PALS2: variants seen among roughly 807,000 people sequenced by gnomAD.
PALS2 encodes the protein protein PALS2.
A neutral mutation model predicts 61.6 loss-of-function variants in PALS2; 27 were observed. The observed-to-expected ratio is 0.44, with a 90% CI of 0.32 to 0.60. The LOEUF is 0.60. Ranked by LOEUF, PALS2 falls within the 20% of genes least tolerant of loss-of-function variation. The probability of loss-of-function intolerance (pLI) is 0.05; values close to 1 mark genes in which losing one functional copy is unlikely to be tolerated. For synonymous variants in PALS2, 236 were observed against 218.6 expected, an observed-to-expected ratio of 1.08 and a Z score of -0.70; for missense variants, 554 against 639.4, an observed-to-expected ratio of 0.87 and a Z score of 1.44.
At chr7:24,685,407 G>A (rs1368768782) in intron 11 of PALS2, among the ~76,000 whole-genome samples, 1 of 151,992 alleles carries the variant, frequency 6.6e-6, no homozygotes, top group Non-Finnish European at 1.5e-5. Context: ...TCTCCACTTT[G>A]TTTCCTCCCA....
intron 1 of PALS2, among the ~76,000 whole-genome samples, chr7:24,583,049 C>T (rs997828275): frequency 3.3e-5 from 5 of 151,612 alleles, no homozygotes; most frequent in African/African-American, 1.2e-4. Context: ...TGTGTGCCAC[C>T]ACGCCCAGCT....
chr7:24,587,451 C>G (rs1783113564), intron 1 of PALS2, among the ~76,000 whole-genome samples: 2 of 151,902 alleles, frequency 1.3e-5, no homozygotes, highest in Non-Finnish European at 2.9e-5. Context: ...GATTGTAGCT[C>G]ACTGCAACCT....
chr7:24,676,006 C>G (rs1452690329), intron 9 of PALS2, among the ~76,000 whole-genome samples: 2 of 149,686 alleles, frequency 1.3e-5, no homozygotes, highest in Non-Finnish European at 3.0e-5. Context: ...ACAGTCCCAC[C>G]AACAGTGTAA....
intron 5 of PALS2, among the ~76,000 whole-genome samples, chr7:24,662,567 G>A (rs983626667): frequency 3.9e-5 from 6 of 151,956 alleles, no homozygotes; most frequent in South Asian, 2.1e-4. Flanking sequence ...TCAGGAGTTC[G>A]AGACCAGCCT....
intron 1 of PALS2, among the ~76,000 whole-genome samples, chr7:24,598,856 C>A (rs1440840206): frequency 6.6e-6 from 1 of 152,142 alleles, no homozygotes; most frequent in African/African-American, 2.4e-5. Flanking sequence ...AGACATTATG[C>A]CTTTGAAGAA....
At chr7:24,667,080 T>G (rs1360034696) in intron 8 of PALS2, 1 of 152,144 alleles carries the variant, frequency 6.6e-6, no homozygotes, top group East Asian at 1.9e-4. Context: ...GTGGGGAAAT[T>G]GTGCAAAGAA....
intron 1 of PALS2, among the ~76,000 whole-genome samples, chr7:24,584,876 C>T (rs559150574): frequency 0.017 from 2,606 of 151,540 alleles, 77 homozygotes; most frequent in African/African-American, 0.059. Context: ...CAGCTTTCTA[C>T]GTATGGCTAG....
chr7:24,642,299 A>C (rs987596644), intron 3 of PALS2, among the ~76,000 whole-genome samples: 3 of 152,178 alleles, frequency 2.0e-5, no homozygotes, highest in African/African-American at 7.2e-5. Flanking sequence ...AAGTATAGAA[A>C]CTATTGTATA....
intron 1 of PALS2, among the ~76,000 whole-genome samples, chr7:24,575,110 C>G (rs1290151556): frequency 6.6e-6 from 1 of 152,036 alleles, no homozygotes; most frequent in African/African-American, 2.4e-5. Flanking sequence ...TCCATGTTTC[C>G]TTCATTCTGG....
rs1304126676 is a variant in PALS2 at position 24,680,409 on chromosome 7, G to A, written c.1335G>A (p.Arg445=). 4 of 1,612,818 alleles carry A rather than the reference G, an allele frequency of 2.5e-6. No individual in the cohort carries two copies. Among genetic ancestry groups the A allele is most frequent in the Admixed American group, 1.7e-5 (1 of 60,002 alleles). ...DVNPQALKVL[R]TSEFMPYVVF... ...TTACACAGGCACTGAAAGTATTGAG[G>A]ACATCAGAGTTTATGCCCTATGTGG... The change falls in exon 11 of 12, where the codon AGG becomes AGA. Residue 445 remains arginine (R), a synonymous_variant. Transcript: ENST00000222644.
chr7:24,646,223 C>A (rs998675218), intron 3 of PALS2, among the ~76,000 whole-genome samples: 1 of 152,148 alleles, frequency 6.6e-6, no homozygotes, highest in East Asian at 1.9e-4. Flanking sequence ...TCATCCTTGT[C>A]TTGTGCTGGT....
intron 5 of PALS2, among the ~76,000 whole-genome samples, chr7:24,661,521 A>G (rs1786720780): frequency 6.6e-6 from 1 of 152,194 alleles, no homozygotes; most frequent in African/African-American, 2.4e-5. Flanking sequence ...AAGAATGGTA[A>G]TCACATTCAT....
chr7:24,586,647 A>G (rs925830159), intron 1 of PALS2, among the ~76,000 whole-genome samples: 3 of 152,228 alleles, frequency 2.0e-5, no homozygotes, highest in Admixed American at 6.5e-5. Flanking sequence ...AAATTTAAAC[A>G]TACCCAGATG....
intron 5 of PALS2, among the ~76,000 whole-genome samples, chr7:24,653,538 C>T (rs79622448): frequency 0.031 from 4,653 of 152,170 alleles, 207 homozygotes; most frequent in East Asian, 0.19. Context: ...TTTCCACTCA[C>T]GAAATTCCAC....
At position 24,692,882 on chromosome 7, in the gene PALS2, G is replaced by A. The variant is rs779565952; in HGVS notation, c.*5268G>A. 20 of 152,036 alleles carry A rather than the reference G, an allele frequency of 1.3e-4. No individual in the cohort carries two copies. Among genetic ancestry groups the A allele is most frequent in the Non-Finnish European group, 2.8e-4 (19 of 67,992 alleles). The allele number at this position is 152,036 out of a possible 1,614,324, so 9.4% of individuals were successfully genotyped here. A position where few individuals can be genotyped will look rare whatever the true frequency, so the allele number is the denominator to read the frequency against. On this transcript the variant is annotated 3_prime_UTR_variant, in exon 12 of 12. Transcript: ENST00000222644. Reference sequence around the variant, plus strand: ...TTTACCCATACCATTAATTTAAAAAGGCATCTATTTCTTTATAGAAAGAAA... The same window carrying A: ...TTTACCCATACCATTAATTTAAAAAAGCATCTATTTCTTTATAGAAAGAAA...
chr7:24,653,917 A>G (rs904095498), intron 5 of PALS2, among the ~76,000 whole-genome samples: 1 of 152,304 alleles, frequency 6.6e-6, no homozygotes, highest in African/African-American at 2.4e-5. Flanking sequence ...GGAAACTGGC[A>G]GAAGCTGGAT....
chr7:24,630,383 A>T (rs1583904510), intron 2 of PALS2, among the ~76,000 whole-genome samples: 1 of 152,288 alleles, frequency 6.6e-6, no homozygotes, highest in East Asian at 1.9e-4. Context: ...TACCTAATGT[A>T]GATGATGGGT....
In PALS2 at chr7:24,650,723, A is replaced by C. The variant is rs768829099; in HGVS notation, c.651+11A>C. On this transcript the variant is annotated intron_variant, in intron 5 of 11. Transcript: ENST00000222644. ...ATTACTCCTCAACAGGTTAGTAATAAAATTTTTGGTAGTATTAAAAATACT... is the reference window on the plus strand; with the variant it reads ...ATTACTCCTCAACAGGTTAGTAATACAATTTTTGGTAGTATTAAAAATACT... 1.5e-5 allele frequency: 22 copies of C among 1,480,528 alleles called. No individual in the cohort carries two copies. The highest frequency in any genetic ancestry group is 2.6e-5 in the South Asian group (2 of 77,744). 91.7% of individuals were successfully genotyped at this position (1,480,528 alleles called of 1,614,324 possible). A position where few individuals can be genotyped will look rare whatever the true frequency, so the allele number is the denominator to read the frequency against.
chr7:24,660,010 C>G (rs1786631663), intron 5 of PALS2, among the ~76,000 whole-genome samples: 1 of 152,214 alleles, frequency 6.6e-6, no homozygotes, highest in South Asian at 2.1e-4. Flanking sequence ...TGGAAACCCT[C>G]TCTGCAGTTA....
Sources: gnomAD v4.1 joint callset for allele counts (sites outside exome capture counted in the v4.1 genomes callset) on GRCh38, gnomAD v4.1.1 for gene constraint, MANE v1.5 for transcripts, NCBI Gene and HGNC (gene_info 2026-07-23, HGNC 2026-07-21) for gene names.